Variants in GLYAT observed in about 807,000 individuals in gnomAD.
The protein encoded by GLYAT is glycine-N-acyltransferase, also known as glycine N-acyltransferase.
Under a neutral mutation model 22.8 loss-of-function variants are expected in GLYAT, and 25 were observed. The observed-to-expected ratio is 1.09, with a 90% CI of 0.80 to 1.53. The LOEUF is 1.53. GLYAT is among the 40% of genes most tolerant of loss of function. The pLI is 0.00. For synonymous variants in GLYAT, 140 were observed against 122.7 expected (o/e 1.14, Z -0.93); for missense variants, 411 against 353.9 (o/e 1.16, Z -1.29).
At chr11:58,727,256 G>T (rs1333310377) in intron 1 of GLYAT, among the ~76,000 whole-genome samples, 3 of 152,128 alleles carry the variant, frequency 2.0e-5, no homozygotes, top group Non-Finnish European at 4.4e-5. Flanking sequence ...GGGGATGTCT[G>T]CAAGGGAGCT....
At chr11:58,726,800 G>A (rs570876287) in intron 1 of GLYAT, among the ~76,000 whole-genome samples, 1 of 152,208 alleles carries the variant, frequency 6.6e-6, no homozygotes, top group South Asian at 2.1e-4. Flanking sequence ...GACTACAGGA[G>A]GAAGTAGGAG....
At chr11:58,718,779 C>T (rs946184518) in intron 2 of GLYAT, among the ~76,000 whole-genome samples, 2 of 151,752 alleles carry the variant, frequency 1.3e-5, no homozygotes, top group African/African-American at 4.8e-5. Flanking sequence ...CAAAACAAGA[C>T]AATAATTTTC....
chr11:58,709,366 GCTTTA>G lies in GLYAT; in HGVS notation c.*395_*399del. On this transcript the variant is annotated 3_prime_UTR_variant, in exon 6 of 6. Transcript: ENST00000344743. ...TCCACTTGTTGATCATAAGGGAAAG[GCTTTA>G]GAAAGAAAGAAGTCATAGTGCTCAG... 1 of 83,550 alleles carries G rather than the reference GCTTTA, an allele frequency of 1.2e-5. No individual in the cohort carries two copies. The highest frequency in any genetic ancestry group is 9.7e-5 in the Admixed American group (1 of 10,284). 5.2% of individuals were successfully genotyped at this position (83,550 alleles called of 1,614,324 possible). A position where few individuals can be genotyped will look rare whatever the true frequency, so the allele number is the denominator to read the frequency against.
chr11:58,712,675 G>C, intron 4 of GLYAT, 85 bp downstream of exon 4: 1 of 1,153,676 alleles, frequency 8.7e-7, no homozygotes, highest in Non-Finnish European at 1.3e-6. Context: ...GGAGTCTGGA[G>C]CTTGGAGGAA....
At chr11:58,710,294 T>C in intron 5 of GLYAT, 126 bp from the exon 6 acceptor site, 2 of 1,414,286 alleles carry the variant, frequency 1.4e-6, no homozygotes, top group Non-Finnish European at 1.9e-6. Flanking sequence ...GGAATATAGA[T>C]GAGCTTGTGA....
Position 58,709,631 on chromosome 11 carries a change from A to G in GLYAT, c.*135T>C, listed in dbSNP as rs1856583939. On this transcript the variant is annotated 3_prime_UTR_variant, in exon 6 of 6. Coordinates refer to ENST00000344743, the MANE Select transcript of GLYAT (RefSeq NM_201648.3). ...CCATGGCGATGCTGTTGAACATCAC[A>G]CTGCTTCCCCAGAGTCCAAACAGTG... The G allele has an allele frequency of 3.3e-6, 3 of 898,394 alleles. No individual in the cohort carries two copies. In the South Asian group the frequency reaches 5.5e-5, roughly 16 times the overall value. The allele number at this position is 898,394 out of a possible 1,614,324, so 55.7% of individuals were successfully genotyped here.
At chr11:58,723,379 T>C (rs933127297) in intron 2 of GLYAT, among the ~76,000 whole-genome samples, 1 of 152,076 alleles carries the variant, frequency 6.6e-6, no homozygotes, top group African/African-American at 2.4e-5. Flanking sequence ...TTTGGATTAG[T>C]TTACTTGAAG....
intron 1 of GLYAT, among the ~76,000 whole-genome samples, chr11:58,731,510 C>A (rs1338831155): frequency 6.6e-6 from 1 of 152,018 alleles, no homozygotes; most frequent in African/African-American, 2.4e-5. Flanking sequence ...TTTAATTTGA[C>A]TCACTTAAGT....
intron 2 of GLYAT, among the ~76,000 whole-genome samples, chr11:58,720,376 G>A (rs181165345): frequency 8.0e-4 from 122 of 151,886 alleles, no homozygotes; most frequent in Middle Eastern, 3.4e-3. Flanking sequence ...TTGTTTACCT[G>A]GATTATTTAT....
chr11:58,716,609 C>CA (rs780915472), intron 2 of GLYAT, among the ~76,000 whole-genome samples: 78 of 152,176 alleles, frequency 5.1e-4, no homozygotes, highest in Non-Finnish European at 9.6e-4. Flanking sequence ...TTATCCATTG[C>CA]AAAAATGAAA....
chr11:58,722,518 T>C (rs1270889669), intron 2 of GLYAT, among the ~76,000 whole-genome samples: 4 of 152,084 alleles, frequency 2.6e-5, no homozygotes, highest in African/African-American at 9.7e-5. Context: ...GCAGGAAGAC[T>C]TGAAGCAGGG....
chr11:58,728,031 T>G (rs927747192), intron 1 of GLYAT, among the ~76,000 whole-genome samples: 18 of 151,342 alleles, frequency 1.2e-4, no homozygotes, highest in African/African-American at 3.9e-4. Context: ...GCACTTTAGT[T>G]CTTTTCCTTC....
At chr11:58,716,069 A>T (rs1344046831) in intron 2 of GLYAT, among the ~76,000 whole-genome samples, 2 of 152,168 alleles carry the variant, frequency 1.3e-5, no homozygotes, top group African/African-American at 4.8e-5. Flanking sequence ...TCAAGAGAAT[A>T]AGCTTGGGGT....
chr11:58,722,471 G>T (rs1166125332), intron 2 of GLYAT, among the ~76,000 whole-genome samples: 1 of 152,072 alleles, frequency 6.6e-6, no homozygotes, highest in Non-Finnish European at 1.5e-5. Context: ...GTTTGGAAAG[G>T]TGGGACATAT....
chr11:58,723,735 C>T (rs1856780057), intron 2 of GLYAT, among the ~76,000 whole-genome samples: 1 of 151,900 alleles, frequency 6.6e-6, no homozygotes, highest in Non-Finnish European at 1.5e-5. Flanking sequence ...GAATCTGACT[C>T]TATCATTGGA....
At chr11:58,715,462 GA>G (rs752167897) in intron 2 of GLYAT, 39 bp from the exon 3 acceptor site, 6 of 874,738 alleles carry the variant, frequency 6.9e-6, no homozygotes, top group Admixed American at 4.0e-5. Context: ...TGGTTTATTT[GA>G]AAAAAACAGT....
intron 5 of GLYAT, 171 bp downstream of exon 5, chr11:58,710,419 G>A (rs1856599846): frequency 2.8e-6 from 2 of 719,722 alleles, no homozygotes; most frequent in South Asian, 1.9e-5. Flanking sequence ...GGGAGATGGT[G>A]GAGTCTTTTA....
intron 2 of GLYAT, among the ~76,000 whole-genome samples, chr11:58,722,524 C>G (rs867294602): frequency 6.6e-6 from 1 of 152,010 alleles, no homozygotes; most frequent in Non-Finnish European, 1.5e-5. Context: ...AGACTTGAAG[C>G]AGGGAGAAAG....
At chr11:58,728,885 AGAAAGAAGGAAGGAAGGAAG>A (rs1243047282) in intron 1 of GLYAT, among the ~76,000 whole-genome samples, 1,789 of 121,386 alleles carry the variant, frequency 0.015, 10 homozygotes, top group East Asian at 0.035. Context: ...AAAGAAAGAA[AGAAAGAAGGAAGGAAGGAAG>A]GAAGGAAGGA....
Sources: gnomAD v4.1 joint callset for allele counts (sites outside exome capture counted in the v4.1 genomes callset) on GRCh38, gnomAD v4.1.1 for gene constraint, MANE v1.5 for transcripts, NCBI Gene and HGNC (gene_info 2026-07-23, HGNC 2026-07-21) for gene names.